Variants in TRIM24 observed in about 807,000 individuals in gnomAD.
The protein encoded by TRIM24 is tripartite motif containing 24, also known as transcription intermediary factor 1-alpha.
A neutral mutation model predicts 123.9 loss-of-function variants in TRIM24; 29 were observed. The ratio of observed to expected loss-of-function variants is 0.23; its 90% CI spans 0.17 to 0.32. The LOEUF is 0.32. TRIM24 is among the 10% of genes least tolerant of loss of function. TRIM24 has a pLI of 1.00. For missense variants in TRIM24, 932 were observed against 1,295.3 expected, an observed-to-expected ratio of 0.72 and a Z score of 4.31; for synonymous variants, 456 against 461.1, an observed-to-expected ratio of 0.99 and a Z score of 0.14.
intron 1 of TRIM24, among the ~76,000 whole-genome samples, chr7:138,493,530 A>T (rs1490643874): frequency 6.6e-6 from 1 of 152,136 alleles, no homozygotes; most frequent in Non-Finnish European, 1.5e-5. Context: ...AGCCTCTCAT[A>T]TTTTAAGATG....
rs959038271 is a variant in TRIM24, at chr7:138,580,444, A to G, written c.2586-118A>G. ...GTATGTGGTAAATGCTCAGTGATTA[A>G]AATTCATGCCAAATGAACAATTCTG... On this transcript the variant is annotated intron_variant, in intron 15 of 18. Coordinates refer to ENST00000343526, the MANE Select transcript of TRIM24 (RefSeq NM_015905.3). 17 of 1,327,506 alleles carry G rather than the reference A, an allele frequency of 1.3e-5. No individual in the cohort carries two copies. The African/African-American group carries it at 2.2e-4, about 17-fold the overall frequency. 82.2% of individuals were successfully genotyped at this position (1,327,506 alleles called of 1,614,324 possible).
chr7:138,479,155 G>T (rs1485415244), intron 1 of TRIM24, among the ~76,000 whole-genome samples: 1 of 151,964 alleles, frequency 6.6e-6, no homozygotes, highest in African/African-American at 2.4e-5. Flanking sequence ...TGTTGAAGAG[G>T]TCTCCCCACC....
chr7:138,583,764 T>C (rs1797954779), intron 17 of TRIM24, 86 bp from the exon 18 acceptor site: 3 of 993,328 alleles, frequency 3.0e-6, no homozygotes, highest in Middle Eastern at 3.2e-4. Flanking sequence ...GAGAACATTC[T>C]GAATTTTAGA....
chr7:138,533,248 A>G (rs1423869213), intron 6 of TRIM24, among the ~76,000 whole-genome samples: 1 of 152,142 alleles, frequency 6.6e-6, no homozygotes. Flanking sequence ...TTCCAGCACT[A>G]TGTTGAATAG....
intron 1 of TRIM24, among the ~76,000 whole-genome samples, chr7:138,482,495 G>A (rs560784436): frequency 3.3e-5 from 5 of 152,198 alleles, no homozygotes; most frequent in South Asian, 2.1e-4. Flanking sequence ...GATGGGTAGC[G>A]TGGTAGCATC....
chr7:138,574,673 G>T (rs1311779793), intron 12 of TRIM24, among the ~76,000 whole-genome samples: 4 of 152,296 alleles, frequency 2.6e-5, no homozygotes, highest in Admixed American at 2.6e-4. Flanking sequence ...CATTGAGAAT[G>T]TGATGAGAGG....
At chr7:138,476,620 C>CA (rs1795407661) in intron 1 of TRIM24, among the ~76,000 whole-genome samples, 1 of 151,478 alleles carries the variant, frequency 6.6e-6, no homozygotes, top group African/African-American at 2.4e-5. Context: ...GAAATTCCCC[C>CA]AAAATAGGTA....
intron 17 of TRIM24, among the ~76,000 whole-genome samples, chr7:138,582,851 GAA>G (rs1797931180): frequency 1.3e-5 from 2 of 152,160 alleles, no homozygotes; most frequent in South Asian, 4.1e-4. Flanking sequence ...CTTGATATAG[GAA>G]ATAAATACCT....
At chr7:138,508,680 T>C (rs1431172699) in intron 2 of TRIM24, among the ~76,000 whole-genome samples, 11 of 97,106 alleles carry the variant, frequency 1.1e-4, no homozygotes, top group African/African-American at 3.7e-4. Context: ...TGTGTGTGTG[T>C]GTGTGTGTGT....
chr7:138,494,210 G>A (rs1795854894), intron 1 of TRIM24, among the ~76,000 whole-genome samples: 1 of 152,000 alleles, frequency 6.6e-6, no homozygotes, highest in Non-Finnish European at 1.5e-5. Flanking sequence ...TCAGACTCCT[G>A]ACCTCAGGTG....
In TRIM24 at chr7:138,585,911, CGT is replaced by C. The variant is rs1264550497; in HGVS notation, c.*961_*962del. The C allele has an allele frequency of 1.9e-6, 1 of 518,354 alleles. No homozygotes were observed. Among genetic ancestry groups the C allele is most frequent in the Non-Finnish European group, 3.9e-6 (1 of 259,658 alleles). The allele number at this position is 518,354 out of a possible 1,614,324, so 32.1% of individuals were successfully genotyped here. On this transcript the variant is annotated 3_prime_UTR_variant, in exon 19 of 19. Coordinates refer to ENST00000343526, the MANE Select transcript of TRIM24 (RefSeq NM_015905.3). ...AATATAAGTTCCTCTGAAAGGGACT[CGT>C]TTTTGTGGTTTTCATCTGTCTATAA...
intron 5 of TRIM24, among the ~76,000 whole-genome samples, chr7:138,528,388 C>T (rs947041708): frequency 6.6e-6 from 1 of 152,166 alleles, no homozygotes; most frequent in Non-Finnish European, 1.5e-5. Flanking sequence ...CCTTTGAGCC[C>T]TAGCTTCTTA....
chr7:138,539,168 A>G (rs990686170), intron 7 of TRIM24, among the ~76,000 whole-genome samples: 4 of 151,948 alleles, frequency 2.6e-5, no homozygotes, highest in African/African-American at 9.7e-5. Context: ...AGATATACCT[A>G]TTCACCCCCC....
At chr7:138,524,917 A>G (rs1796577124) in intron 4 of TRIM24, among the ~76,000 whole-genome samples, 1 of 152,130 alleles carries the variant, frequency 6.6e-6, no homozygotes, top group African/African-American at 2.4e-5. Flanking sequence ...AGAAATTACA[A>G]AATAGTTAAT....
chr7:138,520,914 G>A (rs1343370752), intron 4 of TRIM24, among the ~76,000 whole-genome samples: 1 of 152,160 alleles, frequency 6.6e-6, no homozygotes, highest in Non-Finnish European at 1.5e-5. Flanking sequence ...TACAGAGAAT[G>A]GGAAGGAAGC....
chr7:138,513,420 A>G (rs1796329867), intron 2 of TRIM24, among the ~76,000 whole-genome samples: 2 of 152,188 alleles, frequency 1.3e-5, no homozygotes, highest in Admixed American at 6.5e-5. Context: ...GAGACTGGGT[A>G]ACTTATAAAG....
intron 13 of TRIM24, 80 bp downstream of exon 13, chr7:138,576,525 TACTC>T (rs1258516001): frequency 4.9e-6 from 6 of 1,214,498 alleles, no homozygotes; most frequent in South Asian, 2.6e-5. Context: ...CATGTTTTGA[TACTC>T]AATATATTTT....
intron 1 of TRIM24, chr7:138,490,840 G>A (rs989841859): frequency 1.5e-5 from 7 of 461,300 alleles, no homozygotes; most frequent in Non-Finnish European, 2.9e-5. Flanking sequence ...TCATTTGTCT[G>A]TACCTGTCAG....
intron 1 of TRIM24, among the ~76,000 whole-genome samples, chr7:138,466,449 C>T (rs1299616527): frequency 8.2e-6 from 1 of 121,596 alleles, no homozygotes; most frequent in Non-Finnish European, 1.7e-5. Context: ...TTGCAAATTT[C>T]AAAACTTAAG....
Sources: allele counts gnomAD v4.1 joint callset (sites outside exome capture counted in the v4.1 genomes callset), GRCh38; gene constraint gnomAD v4.1.1; transcripts MANE v1.5; gene names NCBI Gene and HGNC (gene_info 2026-07-23, HGNC 2026-07-21).